Variants in GRID2 observed in about 807,000 individuals in gnomAD.
GRID2 encodes glutamate receptor ionotropic, delta-2.
GRID2 carries 33 observed loss-of-function variants against 114.8 expected under a neutral mutation model. The observed-to-expected ratio is 0.29, with a 90% CI of 0.22 to 0.38. The LOEUF (loss-of-function observed/expected upper bound fraction) is 0.38, where lower values mean the gene tolerates loss of function less well. GRID2 is among the 10% of genes least tolerant of loss of function. The pLI, the probability that GRID2 is intolerant of heterozygous loss-of-function variation, is 1.00. For missense variants in GRID2, 1,184 were observed against 1,257.7 expected (o/e 0.94, Z 0.89); for synonymous variants, 505 against 449.9 (o/e 1.12, Z -1.55).
chr4:92,656,459 A>G (rs1034636397), intron 2 of GRID2, among the ~76,000 whole-genome samples: 3 of 148,224 alleles, frequency 2.0e-5, no homozygotes, highest in African/African-American at 7.3e-5. Flanking sequence ...CCTAGCCACC[A>G]TGAAAGAAAA....
chr4:93,182,919 CAG>C (rs1359772460), intron 4 of GRID2, among the ~76,000 whole-genome samples: 3 of 152,202 alleles, frequency 2.0e-5, no homozygotes, highest in African/African-American at 7.2e-5. Context: ...CCTACTGAAT[CAG>C]AAGTTCTGGG....
At chr4:92,430,239 T>A (rs1441545063) in intron 1 of GRID2, among the ~76,000 whole-genome samples, 2 of 151,984 alleles carry the variant, frequency 1.3e-5, no homozygotes, top group Non-Finnish European at 2.9e-5. Context: ...GAGGTTGAGG[T>A]CTTAGATTTA....
chr4:92,771,721 A>G (rs1313879355), intron 2 of GRID2, among the ~76,000 whole-genome samples: 1 of 152,200 alleles, frequency 6.6e-6, no homozygotes, highest in African/African-American at 2.4e-5. Context: ...GTATTAAATC[A>G]CTGGGTAGGG....
At chr4:93,189,741 G>A (rs1740785438) in intron 4 of GRID2, among the ~76,000 whole-genome samples, 1 of 149,612 alleles carries the variant, frequency 6.7e-6, no homozygotes, top group Non-Finnish European at 1.5e-5. Context: ...ATAGTTTTGT[G>A]TGGTACTAAA....
chr4:93,207,440 TG>T lies in GRID2; in HGVS notation c.774del (p.Trp258Ter). Reference protein sequence around the residue: ...ETNLVAFDCHWIIINEEINDV... With the variant: ...ETNLVAFDCHXIIINEEINDV... Reference sequence around the variant, plus strand: ...TAATTTGGTTGCTTTTGACTGTCACTGGATCATTATAAATGAGGTAAAGCCA... The same window carrying T: ...TAATTTGGTTGCTTTTGACTGTCACTGATCATTATAAATGAGGTAAAGCCA... On this transcript the variant is annotated frameshift_variant, in exon 5 of 16. Coordinates refer to ENST00000282020, the MANE Select transcript of GRID2 (RefSeq NM_001510.4). LOFTEE classifies it high-confidence loss of function. 6.3e-7 allele frequency: 1 copy of T among 1,596,562 alleles called. No individual in the cohort carries two copies. Among genetic ancestry groups the T allele is most frequent in the Non-Finnish European group, 8.6e-7 (1 of 1,164,618 alleles).
At chr4:92,463,999 T>G (rs748756214) in intron 1 of GRID2, among the ~76,000 whole-genome samples, 18 of 151,926 alleles carry the variant, frequency 1.2e-4, no homozygotes, top group Non-Finnish European at 2.5e-4. Flanking sequence ...GACTATATTT[T>G]CCCTCCCTTT....
In GRID2 at chr4:92,652,445, A is replaced by G. The variant is rs149579461; in HGVS notation, c.244+62159A>G. Among the ~76,000 whole-genome samples, 641 of 151,994 alleles carry G rather than the reference A, an allele frequency of 4.2e-3. 2 individuals are homozygous for G. Among genetic ancestry groups the G allele is most frequent in the African/African-American group, 0.015 (615 of 41,502 alleles). On this transcript the variant is annotated intron_variant, in intron 2 of 15. Transcript: ENST00000282020. ...ATATTCCCAGAACTTTGGGAGGATA[A>G]GTCAGGAGGAATGCTAGAGGCCAGG...
At chr4:93,065,352 A>C (rs1728206197) in intron 2 of GRID2, among the ~76,000 whole-genome samples, 1 of 151,952 alleles carries the variant, frequency 6.6e-6, no homozygotes, top group Non-Finnish European at 1.5e-5. Flanking sequence ...TCAGGGACAT[A>C]CACAATTTGC....
intron 1 of GRID2, among the ~76,000 whole-genome samples, chr4:92,512,957 T>C (rs1290591735): frequency 2.6e-5 from 4 of 151,982 alleles, no homozygotes; most frequent in Non-Finnish European, 4.4e-5. Flanking sequence ...GAGTGAGACA[T>C]TGAGTGAACA....
chr4:92,307,443 T>G (rs924270928), intron 1 of GRID2, among the ~76,000 whole-genome samples: 1 of 152,156 alleles, frequency 6.6e-6, no homozygotes, highest in Non-Finnish European at 1.5e-5. Flanking sequence ...GAAAAGACAC[T>G]GCTCTAAGAG....
chr4:93,590,279 C>T (rs1246487427), intron 13 of GRID2, among the ~76,000 whole-genome samples: 1 of 150,330 alleles, frequency 6.7e-6, no homozygotes, highest in Non-Finnish European at 1.5e-5. Context: ...ATATGGCTAG[C>T]CAGTTTTCCC....
chr4:92,418,100 A>G (rs1430632304), intron 1 of GRID2, among the ~76,000 whole-genome samples: 1 of 152,152 alleles, frequency 6.6e-6, no homozygotes, highest in African/African-American at 2.4e-5. Flanking sequence ...AAGGATCAAT[A>G]CATGGAGCTA....
intron 14 of GRID2, among the ~76,000 whole-genome samples, chr4:93,727,258 T>C (rs567399360): frequency 6.6e-6 from 1 of 152,212 alleles, no homozygotes; most frequent in East Asian, 1.9e-4. Context: ...TGGTTTTTGT[T>C]TTTGGTTCTG....
intron 11 of GRID2, among the ~76,000 whole-genome samples, chr4:93,471,698 A>ATTTTTTTTTTTGTTTTTTTTTTTTTTTT (rs1162124898): frequency 1.6e-5 from 1 of 61,008 alleles, no homozygotes; most frequent in Non-Finnish European, 3.2e-5. Flanking sequence ...CCTGAATTCA[A>ATTTTTTTTTTTGTTTTTTTTTTTTTTTT]TTTTTTTTTT....
chr4:93,717,682 G>A (rs1366382508), intron 14 of GRID2, among the ~76,000 whole-genome samples: 1 of 151,974 alleles, frequency 6.6e-6, no homozygotes, highest in Admixed American at 6.6e-5. Flanking sequence ...TGGCTTACAA[G>A]GTTTTTCTTT....
chr4:93,147,469 C>CTT (rs146178889), intron 4 of GRID2, among the ~76,000 whole-genome samples: 1 of 151,938 alleles, frequency 6.6e-6, no homozygotes, highest in African/African-American at 2.4e-5. Flanking sequence ...AGAAAATGTA[C>CTT]TTTTTTTTGA....
At chr4:93,053,015 GAT>G (rs1231462084) in intron 2 of GRID2, among the ~76,000 whole-genome samples, 1 of 151,894 alleles carries the variant, frequency 6.6e-6, no homozygotes, top group Non-Finnish European at 1.5e-5. Flanking sequence ...TATGTCAGAG[GAT>G]ATAGCATCAG....
chr4:93,017,683 G>T lies in GRID2; in HGVS notation c.245-67312G>T, dbSNP rs188368743. Among the ~76,000 whole-genome samples the T allele has an allele frequency of 1.8e-4, 27 of 151,660 alleles. No individual in the cohort carries two copies. In the East Asian group the frequency reaches 2.9e-3, roughly 16 times the overall value. ...TAACCAGGCATGGTGTTAGGCGCTT[G>T]TGATCCCAGCTATTCAGGAGGCTGA... is the stretch of plus-strand genomic sequence containing the variant. On this transcript the variant is annotated intron_variant, in intron 2 of 15. Coordinates refer to ENST00000282020, the MANE Select transcript of GRID2 (RefSeq NM_001510.4).
intron 4 of GRID2, among the ~76,000 whole-genome samples, chr4:93,135,369 G>A (rs1735150917): frequency 6.6e-6 from 1 of 152,142 alleles, no homozygotes; most frequent in Non-Finnish European, 1.5e-5. Context: ...CCTCCATTGA[G>A]CACTAAGTTT....
Sources: gnomAD v4.1 joint callset for allele counts (sites outside exome capture counted in the v4.1 genomes callset) on GRCh38, gnomAD v4.1.1 for gene constraint, MANE v1.5 for transcripts, NCBI Gene and HGNC (gene_info 2026-07-23, HGNC 2026-07-21) for gene names.